The following PHACTR2 variants were observed in gnomAD, a reference collection of about 807,000 sequenced individuals.
PHACTR2 encodes the protein phosphatase and actin regulator 2.
A neutral mutation model predicts 76.0 loss-of-function variants in PHACTR2; 30 were observed. The ratio of observed to expected loss-of-function variants is 0.39; its 90% CI spans 0.30 to 0.54. The LOEUF is 0.54. PHACTR2 is among the 20% of genes least tolerant of loss of function. The pLI is 0.61. For synonymous variants in PHACTR2, 292 were observed against 292.5 expected, an observed-to-expected ratio of 1.00 and a Z score of 0.02; for missense variants, 696 against 781.1, an observed-to-expected ratio of 0.89 and a Z score of 1.30.
At position 143,823,729 on chromosome 6, in the gene PHACTR2, T is replaced by C; in HGVS notation, c.*40T>C. The stretch of plus-strand genomic sequence containing the variant: ...ATTTGGAAACAGAGACTGATCATCT[T>C]TGGGGGAAGCCCTGCTTCCTGAAAA... On this transcript the variant is annotated 3_prime_UTR_variant, in exon 13 of 13. Coordinates refer to ENST00000440869, the MANE Select transcript of PHACTR2 (RefSeq NM_001100164.2). The surrounding 1 kb of genome is among the most constrained non-coding windows in gnomAD (Gnocchi z 5.7). 6.4e-7 allele frequency: 1 copy of C among 1,561,398 alleles called. No homozygotes were observed. Among genetic ancestry groups the C allele is most frequent in the Non-Finnish European group, 8.8e-7 (1 of 1,132,028 alleles).
chr6:143,781,150 T>C (rs1337755485), intron 9 of PHACTR2, among the ~76,000 whole-genome samples: 1 of 152,246 alleles, frequency 6.6e-6, no homozygotes, highest in East Asian at 1.9e-4. Flanking sequence ...AACAGTCATG[T>C]TGGCTTCCCT....
Position 143,595,664 on chromosome 6 carries a change from G to A in PHACTR2, c.217+58457G>A, listed in dbSNP as rs1473086187. 6.6e-6 allele frequency among the ~76,000 whole-genome samples: 1 copy of A among 152,210 alleles called. No homozygotes were observed. Among genetic ancestry groups the A allele is most frequent in the Non-Finnish European group, 1.5e-5 (1 of 68,040 alleles). On this transcript the variant is annotated intron_variant, in intron 1 of 11. Coordinates refer to the PHACTR2 transcript ENST00000367584. This position sits in a 1 kb window ranked among gnomAD's most constrained non-coding sequence, Gnocchi z 4.2. ...ATTGTATCCAAATTTCAAGGGAACAGAGTCCTACATTAGTTCCAGTACCCA... is the reference window on the plus strand; with the variant it reads ...ATTGTATCCAAATTTCAAGGGAACAAAGTCCTACATTAGTTCCAGTACCCA...
chr6:143,768,089 G>C (rs2128474177), intron 6 of PHACTR2, among the ~76,000 whole-genome samples: 1 of 152,302 alleles, frequency 6.6e-6, no homozygotes, highest in East Asian at 1.9e-4. Context: ...GCCTGCCTCA[G>C]CCTTCCAAAG....
At chr6:143,559,191 G>A (rs776599484) in intron 1 of PHACTR2, among the ~76,000 whole-genome samples, 2 of 152,168 alleles carry the variant, frequency 1.3e-5, no homozygotes, top group Admixed American at 1.3e-4. Flanking sequence ...TTCATGCTCC[G>A]CTCCTTTGGG....
At position 143,757,956 on chromosome 6, in the gene PHACTR2, CG is replaced by C; in HGVS notation, c.455-2444del. On this transcript the variant is annotated intron_variant, in intron 4 of 12. Coordinates refer to ENST00000440869, the MANE Select transcript of PHACTR2 (RefSeq NM_001100164.2). The surrounding 1 kb of genome is among the most constrained non-coding windows in gnomAD (Gnocchi z 4.2). ...GTCCCTGCGTGTGTGTGCATGCACA[CG>C]TGCGCGCACACACACACACACACAC... is the stretch of plus-strand genomic sequence containing the variant. Among the ~76,000 whole-genome samples, 1 of 92,410 alleles carries C rather than the reference CG, an allele frequency of 1.1e-5. No individual in the cohort carries two copies. The highest frequency in any genetic ancestry group is 4.9e-5 in the African/African-American group (1 of 20,612). The allele number at this position is 92,410 out of a possible 152,430, so 60.6% of individuals were successfully genotyped here. A position where few individuals can be genotyped will look rare whatever the true frequency, so the allele number is the denominator to read the frequency against.
rs1562277904 is a variant in PHACTR2 at position 143,709,792 on chromosome 6, T to C, written c.47-2224T>C. Among the ~76,000 whole-genome samples, 3 of 152,012 alleles carry C rather than the reference T, an allele frequency of 2.0e-5. No individual in the cohort carries two copies. Among genetic ancestry groups the C allele is most frequent in the Non-Finnish European group, 4.4e-5 (3 of 67,994 alleles). ...TGCAATGATTTGGCCACCTCTGTAT[T>C]AGGGGGAAGGGGAGAGATACCCAGT... On this transcript the variant is annotated intron_variant, in intron 1 of 12. Transcript: ENST00000440869. This position sits in a 1 kb window ranked among gnomAD's most constrained non-coding sequence, Gnocchi z 4.4.
chr6:143,567,734 C>A (rs78878369), intron 1 of PHACTR2, among the ~76,000 whole-genome samples: 7,036 of 152,284 alleles, frequency 0.046, 239 homozygotes, highest in South Asian at 0.076. Context: ...TCAGCTAGAA[C>A]CTTCCCTACA....
chr6:143,674,650 C>T (rs942925963), upstream of PHACTR2, among the ~76,000 whole-genome samples: 5 of 152,166 alleles, frequency 3.3e-5, no homozygotes, highest in Admixed American at 6.5e-5. The surrounding 1 kb of genome is among the most constrained non-coding windows in gnomAD (Gnocchi z 4.9). Context: ...CCACCCCTAA[C>T]ATCTGGTGTC....
chr6:143,607,591 T>A (rs1775897565), upstream of PHACTR2, among the ~76,000 whole-genome samples: 1 of 152,260 alleles, frequency 6.6e-6, no homozygotes, highest in Non-Finnish European at 1.5e-5. Context: ...ATTTCTCTGT[T>A]AGGATAGGTG....
rs1160309766 is a variant in PHACTR2 at position 143,826,645 on chromosome 6, G to C, written c.*2956G>C. 2.0e-5 allele frequency: 3 copies of C among 152,146 alleles called. No homozygotes were observed. Among genetic ancestry groups the C allele is most frequent in the Non-Finnish European group, 4.4e-5 (3 of 68,028 alleles). The allele number at this position is 152,146 out of a possible 1,614,324, so 9.4% of individuals were successfully genotyped here. A position where few individuals can be genotyped will look rare whatever the true frequency, so the allele number is the denominator to read the frequency against. On this transcript the variant is annotated 3_prime_UTR_variant, in exon 13 of 13. Transcript: ENST00000440869. ...TATTAAGAAGATGCTCAGCAAGCTTGATCAGAATCTTCATGGTCATTACCA... is the reference window on the plus strand; with the variant it reads ...TATTAAGAAGATGCTCAGCAAGCTTCATCAGAATCTTCATGGTCATTACCA...
chr6:143,551,223 A>G (rs1775090763), intron 1 of PHACTR2, among the ~76,000 whole-genome samples: 1 of 150,086 alleles, frequency 6.7e-6, no homozygotes, highest in South Asian at 2.1e-4. Context: ...TAGATGCCCG[A>G]AACCTGCAGA....
chr6:143,594,279 A>G (rs1490115236), intron 1 of PHACTR2, among the ~76,000 whole-genome samples: 2 of 152,204 alleles, frequency 1.3e-5, no homozygotes, highest in Non-Finnish European at 2.9e-5. Context: ...AACATTTTGA[A>G]TAAGGGACAG....
intron 1 of PHACTR2, among the ~76,000 whole-genome samples, chr6:143,584,448 A>G (rs1029800133): frequency 6.6e-6 from 1 of 152,192 alleles, no homozygotes; most frequent in Admixed American, 6.5e-5. Context: ...AAAGAGTGGA[A>G]CAAACAGCGC....
rs763501602 is a variant in PHACTR2, at chr6:143,753,713, G to A, written c.296-41G>A. On this transcript the variant is annotated intron_variant, in intron 3 of 12. Coordinates refer to ENST00000440869, the MANE Select transcript of PHACTR2 (RefSeq NM_001100164.2). This position sits in a 1 kb window ranked among gnomAD's most constrained non-coding sequence, Gnocchi z 4.6. ...AACTGGAAAACTTGTTTTTAAGAAA[G>A]CCAGCAAGTTAGACATCTAGGTGTT... 3 of 1,483,150 alleles carry A rather than the reference G, an allele frequency of 2.0e-6. No homozygotes were observed. The highest frequency in any genetic ancestry group is 2.7e-6 in the Non-Finnish European group (3 of 1,098,210). The allele number at this position is 1,483,150 out of a possible 1,614,324, so 91.9% of individuals were successfully genotyped here. A position where few individuals can be genotyped will look rare whatever the true frequency, so the allele number is the denominator to read the frequency against.
Position 143,757,714 on chromosome 6 carries a change from G to T in PHACTR2, c.455-2687G>T, listed in dbSNP as rs1779335005. Among the ~76,000 whole-genome samples the T allele has an allele frequency of 6.6e-6, 1 of 152,100 alleles. No homozygotes were observed. The highest frequency in any genetic ancestry group is 2.1e-4 in the South Asian group (1 of 4,816). On this transcript the variant is annotated intron_variant, in intron 4 of 12. Coordinates refer to ENST00000440869, the MANE Select transcript of PHACTR2 (RefSeq NM_001100164.2). The surrounding 1 kb of genome is among the most constrained non-coding windows in gnomAD (Gnocchi z 4.2). ...TTATATCATGTCTTCAGATCACATGGTAAGTGTAAAATATACAACTTGACA... is the reference window on the plus strand; with the variant it reads ...TTATATCATGTCTTCAGATCACATGTTAAGTGTAAAATATACAACTTGACA...
chr6:143,750,680 C>G lies in PHACTR2; in HGVS notation c.295+1615C>G, dbSNP rs1029693943. 6.6e-6 allele frequency among the ~76,000 whole-genome samples: 1 copy of G among 152,138 alleles called. No individual in the cohort carries two copies. Among genetic ancestry groups the G allele is most frequent in the Non-Finnish European group, 1.5e-5 (1 of 68,020 alleles). On this transcript the variant is annotated intron_variant, in intron 3 of 12. Transcript: ENST00000440869. The surrounding 1 kb of genome is among the most constrained non-coding windows in gnomAD (Gnocchi z 4.6). ...TCAATTTAAAGAAATGATTTTTATT[C>G]TGCCGAATCTGTGAAACTATTTGCC...
rs1489752816 is a variant in PHACTR2, at chr6:143,610,687, A to G, written c.13+2365A>G. ...CGGCCCTTTTGGTGGGTGTGTGTAC[A>G]TTTCAGCTATCATGGCATTGTGAAT... On this transcript the variant is annotated intron_variant, in intron 1 of 11. Coordinates refer to the PHACTR2 transcript ENST00000305766. The surrounding 1 kb of genome is among the most constrained non-coding windows in gnomAD (Gnocchi z 4.9). Among the ~76,000 whole-genome samples, 2 of 152,214 alleles carry G rather than the reference A, an allele frequency of 1.3e-5. No homozygotes were observed. The highest frequency in any genetic ancestry group is 1.3e-4 in the Admixed American group (2 of 15,276).
At chr6:143,673,698 G>A (rs1777194121), upstream of PHACTR2, among the ~76,000 whole-genome samples, 1 of 151,814 alleles carries the variant, frequency 6.6e-6, no homozygotes, top group Non-Finnish European at 1.5e-5. Flanking sequence ...TAGGGAGAAT[G>A]TCTTTGGAAA....
rs1164483218 is a variant in PHACTR2 at position 143,730,954 on chromosome 6, G to A, written c.215-18031G>A. On this transcript the variant is annotated intron_variant, in intron 2 of 12. Coordinates refer to ENST00000440869, the MANE Select transcript of PHACTR2 (RefSeq NM_001100164.2). The surrounding 1 kb of genome is among the most constrained non-coding windows in gnomAD (Gnocchi z 4.8). ...GTAGAGACGGGGTTTCACTATGTTG[G>A]CCCCAGGCTGGTCTGGAATTCCTGA... Among the ~76,000 whole-genome samples, 1 of 152,080 alleles carries A rather than the reference G, an allele frequency of 6.6e-6. No individual in the cohort carries two copies. The highest frequency in any genetic ancestry group is 1.5e-5 in the Non-Finnish European group (1 of 68,020).
Sources: allele counts gnomAD v4.1 joint callset (sites outside exome capture counted in the v4.1 genomes callset), GRCh38; gene constraint gnomAD v4.1.1; non-coding constraint Gnocchi (gnomAD v3.1); transcripts MANE v1.5; gene names NCBI Gene and HGNC (gene_info 2026-07-23, HGNC 2026-07-21).